The following ATAD2 variants were observed in gnomAD, a reference collection of about 807,000 sequenced individuals.
ATAD2 encodes the protein ATPase family AAA domain-containing protein 2.
Under a neutral mutation model 168.9 loss-of-function variants are expected in ATAD2, and 62 were observed. That is an observed-to-expected ratio of 0.37 (90% CI 0.30 to 0.45). The LOEUF (loss-of-function observed/expected upper bound fraction) is 0.45, where lower values mean the gene tolerates loss of function less well. Among genes scored for constraint, ATAD2 ranks in the 20% least tolerant of loss-of-function variants. The probability of loss-of-function intolerance (pLI) is 1.00; values close to 1 mark genes in which losing one functional copy is unlikely to be tolerated. For missense variants in ATAD2, 1,419 were observed against 1,667.8 expected, an observed-to-expected ratio of 0.85 and a Z score of 2.60; for synonymous variants, 613 against 571.6, an observed-to-expected ratio of 1.07 and a Z score of -1.03.
intron 27 of ATAD2, among the ~76,000 whole-genome samples, chr8:123,322,690 A>C (rs1415800393): frequency 6.6e-6 from 1 of 152,160 alleles, no homozygotes; most frequent in Non-Finnish European, 1.5e-5. Context: ...ATAAATAAAC[A>C]AACAAACTAA....
intron 1 of ATAD2, among the ~76,000 whole-genome samples, chr8:123,414,409 A>G (rs1044948160): frequency 7.2e-5 from 11 of 152,182 alleles, no homozygotes; most frequent in African/African-American, 2.7e-4. Context: ...TTTGTGCCCA[A>G]TCAGGATAAG....
intron 1 of ATAD2, among the ~76,000 whole-genome samples, chr8:123,403,432 T>C (rs1294329612): frequency 2.6e-5 from 4 of 151,288 alleles, no homozygotes; most frequent in Admixed American, 2.0e-4. Context: ...AAACATTTAT[T>C]GATTTATTTT....
chr8:123,383,230 G>A (rs557006879), intron 1 of ATAD2, among the ~76,000 whole-genome samples: 1 of 152,178 alleles, frequency 6.6e-6, no homozygotes, highest in East Asian at 1.9e-4. Context: ...AGCATTAGGA[G>A]AAATACCTAA....
At chr8:123,367,474 A>G (rs1319474656) in intron 8 of ATAD2, among the ~76,000 whole-genome samples, 1 of 152,004 alleles carries the variant, frequency 6.6e-6, no homozygotes, top group Non-Finnish European at 1.5e-5. Flanking sequence ...CCCTCTTAGT[A>G]CTGCTGGATC....
At chr8:123,322,832 A>G in intron 27 of ATAD2, 106 bp downstream of exon 27, 1 of 1,181,252 alleles carries the variant, frequency 8.5e-7, no homozygotes, top group African/African-American at 1.6e-5. Context: ...AAGTTCCTAC[A>G]ATCAGTTTCT....
chr8:123,399,134 C>T (rs554421562), upstream of ATAD2, among the ~76,000 whole-genome samples: 12 of 152,018 alleles, frequency 7.9e-5, no homozygotes, highest in African/African-American at 2.4e-4. Context: ...TGGTGGTGCA[C>T]GCCTGTAGCC....
chr8:123,388,328 A>G (rs1829705850), intron 1 of ATAD2, among the ~76,000 whole-genome samples: 1 of 152,270 alleles, frequency 6.6e-6, no homozygotes, highest in African/African-American at 2.4e-5. Context: ...CCCCGGTAGT[A>G]GCTGGGGCTA....
chr8:123,328,158 T>A (rs1827663713), intron 25 of ATAD2, 32 bp downstream of exon 25: 1 of 1,346,786 alleles, frequency 7.4e-7, no homozygotes, highest in African/African-American at 1.5e-5. Context: ...TCTTTTAAAA[T>A]CAGTAAATTA....
chr8:123,390,124 G>A (rs1829785514), intron 1 of ATAD2, among the ~76,000 whole-genome samples: 1 of 151,260 alleles, frequency 6.6e-6, no homozygotes, highest in South Asian at 2.1e-4. Flanking sequence ...GATTACAGGT[G>A]CACACTGCCA....
chr8:123,363,211 A>G (rs1317504155), intron 8 of ATAD2, among the ~76,000 whole-genome samples: 1 of 152,232 alleles, frequency 6.6e-6, no homozygotes, highest in Non-Finnish European at 1.5e-5. Context: ...GTGTATCAAA[A>G]AAACTCGGAA....
chr8:123,401,227 C>T, upstream of ATAD2: 3 of 902,768 alleles, frequency 3.3e-6, no homozygotes, highest in Admixed American at 1.7e-5. Flanking sequence ...CGATGATGAG[C>T]TGGTGGCCAT....
At chr8:123,326,960 T>C (rs1021841166) in intron 25 of ATAD2, among the ~76,000 whole-genome samples, 8 of 152,146 alleles carry the variant, frequency 5.3e-5, no homozygotes, top group African/African-American at 1.9e-4. Flanking sequence ...TGGAGTGCAG[T>C]GGCATGATCT....
At chr8:123,401,911 CA>C in intron 1 of ATAD2, 1 of 773,378 alleles carries the variant, frequency 1.3e-6, no homozygotes. Flanking sequence ...CCATCCAGGA[CA>C]AAGGGTCCAT....
At chr8:123,397,364 G>C (rs1280196959), upstream of ATAD2, among the ~76,000 whole-genome samples, 2 of 151,662 alleles carry the variant, frequency 1.3e-5, no homozygotes, top group African/African-American at 4.8e-5. Context: ...ACATATAATC[G>C]GAAAGTAACT....
At chr8:123,390,965 A>G (rs1011318835) in intron 1 of ATAD2, among the ~76,000 whole-genome samples, 2 of 152,160 alleles carry the variant, frequency 1.3e-5, no homozygotes, top group African/African-American at 2.4e-5. Flanking sequence ...GGTTGCAGTG[A>G]GCAGAGATTG....
Position 123,361,531 on chromosome 8 carries a change from GC to G in ATAD2, c.1157+7del. 6.3e-7 allele frequency: 1 copy of G among 1,598,086 alleles called. No homozygotes were observed. The highest frequency in any genetic ancestry group is 8.6e-7 in the Non-Finnish European group (1 of 1,166,258). The stretch of plus-strand genomic sequence containing the variant: ...GCTAGTTTAAAAAGGCATCAATATG[GC>G]ACTTACCTATTGATAGCCCTATTAC... On this transcript the variant is annotated splice_region_variant and intron_variant, in intron 9 of 27. Coordinates refer to ENST00000287394, the MANE Select transcript of ATAD2 (RefSeq NM_014109.4).
chr8:123,408,503 C>G (rs919602623), intron 1 of ATAD2, among the ~76,000 whole-genome samples: 2 of 152,128 alleles, frequency 1.3e-5, no homozygotes, highest in Non-Finnish European at 2.9e-5. Flanking sequence ...TCTCCCCTCC[C>G]GTCCCCTCCC....
In ATAD2 at chr8:123,396,246, G is replaced by C; in HGVS notation, c.112C>G (p.Arg38Gly). 1 of 1,607,682 alleles carries C rather than the reference G, an allele frequency of 6.2e-7. No individual in the cohort carries two copies. Among genetic ancestry groups the C allele is most frequent in the South Asian group, 1.1e-5 (1 of 90,712 alleles). ...TGCGCCGCGCCGGCCGAGCGGAGCC[G>C]CCTCCGGCCGATGTGCTCCAGACTG... The part of the protein sequence containing the change: ...FLSLEHIGRR[R>G]LRSAGAAQKK... Residue 38 changes from arginine (R) to glycine (G), a missense_variant, in exon 1 of 28, where the codon CGG becomes GGG. Coordinates refer to ENST00000287394, the MANE Select transcript of ATAD2 (RefSeq NM_014109.4).
At chr8:123,326,063 T>C (rs1276560745) in intron 25 of ATAD2, 37 bp from the exon 26 acceptor site, 8 of 1,602,350 alleles carry the variant, frequency 5.0e-6, no homozygotes, top group South Asian at 1.1e-5. Context: ...ATTTGGTCCA[T>C]AGATATTATG....
Sources: gnomAD v4.1 joint callset for allele counts (sites outside exome capture counted in the v4.1 genomes callset) on GRCh38, gnomAD v4.1.1 for gene constraint, MANE v1.5 for transcripts, NCBI Gene and HGNC (gene_info 2026-07-23, HGNC 2026-07-21) for gene names.